Variants in SAMMSON observed in about 807,000 individuals in gnomAD.
The protein encoded by SAMMSON is survival associated mitochondrial melanoma specific oncogenic non-coding RNA.
chr3:70,233,145 C>T (rs1282069506), intron 4 of SAMMSON, among the ~76,000 whole-genome samples: 4 of 152,232 alleles, frequency 2.6e-5, no homozygotes, highest in African/African-American at 9.6e-5. Context: ...GCCAAGATCG[C>T]GCCACTGCAT....
chr3:70,371,486 T>C (rs985310996), intron 9 of SAMMSON, among the ~76,000 whole-genome samples: 2 of 152,134 alleles, frequency 1.3e-5, no homozygotes, highest in African/African-American at 4.8e-5. Context: ...TTCAATTTAT[T>C]TTATCAGTGT....
At chr3:70,157,054 T>C (rs1160038782) in intron 4 of SAMMSON, among the ~76,000 whole-genome samples, 1 of 152,090 alleles carries the variant, frequency 6.6e-6, no homozygotes, top group South Asian at 2.1e-4. Flanking sequence ...GAAAGCAGGG[T>C]AAAAAGATAT....
intron 4 of SAMMSON, chr3:70,126,700 G>A (rs956655567): frequency 2.4e-5 from 6 of 248,574 alleles, no homozygotes; most frequent in Admixed American, 1.5e-4. Flanking sequence ...GTTAGGTTTT[G>A]TTTTTGTTTT....
intron 4 of SAMMSON, chr3:70,159,526 A>T (rs2067605673): frequency 6.6e-6 from 1 of 152,058 alleles, no homozygotes; most frequent in South Asian, 2.1e-4. Flanking sequence ...AGTGTACGAG[A>T]GTACCAATTT....
chr3:70,096,122 A>G (rs1576120582), intron 4 of SAMMSON: 1 of 152,334 alleles, frequency 6.6e-6, no homozygotes, highest in East Asian at 1.9e-4. Flanking sequence ...TATTGGCAGG[A>G]TTTAGTTCCC....
chr3:70,259,200 C>A (rs1013432983), intron 6 of SAMMSON, among the ~76,000 whole-genome samples: 9 of 152,078 alleles, frequency 5.9e-5, no homozygotes, highest in Admixed American at 2.0e-4. Context: ...AGCCATTTCC[C>A]AGAACACATT....
chr3:70,219,077 C>A (rs1701439360), intron 4 of SAMMSON, among the ~76,000 whole-genome samples: 1 of 152,096 alleles, frequency 6.6e-6, no homozygotes, highest in Admixed American at 6.6e-5. Flanking sequence ...TTTCTAAACA[C>A]CAAATAGTCA....
At chr3:70,307,016 T>G (rs1304432225) in intron 7 of SAMMSON, among the ~76,000 whole-genome samples, 3 of 152,040 alleles carry the variant, frequency 2.0e-5, no homozygotes, top group South Asian at 2.1e-4. Flanking sequence ...AATAGAGAGA[T>G]AGAGAGAAAA....
chr3:70,092,445 C>CT lies in SAMMSON; in HGVS notation n.507+20881dup, dbSNP rs1395538112. On this transcript the variant is annotated intron_variant and non_coding_transcript_variant, in intron 4 of 9. Coordinates refer to ENST00000642114, the Ensembl canonical transcript of SAMMSON. ...ATCATCTTTCTTGATCAAACTCATG[C>CT]TGTTTTTTTTTTTTATAAAGCTTTC... 3.3e-3 allele frequency among the ~76,000 whole-genome samples: 46 copies of CT among 14,108 alleles called. No individual in the cohort carries two copies. In the South Asian group the frequency reaches 0.042, roughly 13 times the overall value. 9.3% of individuals were successfully genotyped at this position (14,108 alleles called of 152,430 possible).
At chr3:70,336,839 T>G (rs943171757) in intron 7 of SAMMSON, among the ~76,000 whole-genome samples, 1 of 149,706 alleles carries the variant, frequency 6.7e-6, no homozygotes, top group South Asian at 2.1e-4. Flanking sequence ...TGTGTGTGTG[T>G]GTGTGTGTGT....
intron 6 of SAMMSON, among the ~76,000 whole-genome samples, chr3:70,253,916 C>G (rs1701791448): frequency 6.6e-6 from 1 of 152,028 alleles, no homozygotes; most frequent in African/African-American, 2.4e-5. Context: ...TGTATAATCT[C>G]TTTTAAAAAC....
At chr3:70,022,552 A>G (rs1388034788) in intron 3 of SAMMSON, among the ~76,000 whole-genome samples, 4 of 151,154 alleles carry the variant, frequency 2.6e-5, no homozygotes, top group African/African-American at 4.9e-5. Context: ...GGGAACATTT[A>G]TGGAACTAAT....
chr3:70,159,638 T>A (rs942958556), intron 4 of SAMMSON: 4 of 151,828 alleles, frequency 2.6e-5, no homozygotes, highest in African/African-American at 7.3e-5. Context: ...TTTCGGCTCA[T>A]GCAACCACCT....
chr3:70,428,288 CA>C (rs1299403111), intron 2 of SAMMSON, among the ~76,000 whole-genome samples: 1 of 151,712 alleles, frequency 6.6e-6, no homozygotes, highest in African/African-American at 2.4e-5. Context: ...CTAGAATAGC[CA>C]AAAAAATTTT....
intron 7 of SAMMSON, among the ~76,000 whole-genome samples, chr3:70,347,576 G>A (rs950855501): frequency 2.0e-5 from 3 of 152,122 alleles, no homozygotes; most frequent in African/African-American, 7.2e-5. Context: ...GAATGTGGCT[G>A]CATATTTACT....
intron 3 of SAMMSON, among the ~76,000 whole-genome samples, chr3:70,023,312 T>A (rs1012056017): frequency 2.0e-5 from 3 of 150,868 alleles, no homozygotes; most frequent in Non-Finnish European, 3.0e-5. Flanking sequence ...AAAAAAAAAA[T>A]TAGCCAGGCG....
intron 4 of SAMMSON, among the ~76,000 whole-genome samples, chr3:70,148,613 G>T (rs2067558456): frequency 6.6e-6 from 1 of 152,014 alleles, no homozygotes; most frequent in South Asian, 2.1e-4. Context: ...AAGGGGAGCT[G>T]GTGTGTGCAC....
intron 4 of SAMMSON, among the ~76,000 whole-genome samples, chr3:70,134,579 A>G (rs1216933430): frequency 2.6e-5 from 4 of 152,188 alleles, no homozygotes; most frequent in Non-Finnish European, 4.4e-5. Context: ...ACATAGAAGC[A>G]TAGTTATATT....
At chr3:70,296,949 C>T (rs942109587) in intron 7 of SAMMSON, among the ~76,000 whole-genome samples, 1 of 151,924 alleles carries the variant, frequency 6.6e-6, no homozygotes, top group Admixed American at 6.6e-5. Context: ...CCTCTCTGGT[C>T]TAGTTTATTG....
Sources: allele counts gnomAD v4.1 joint callset (sites outside exome capture counted in the v4.1 genomes callset), GRCh38; gene constraint gnomAD v4.1.1; transcripts MANE v1.5; gene names NCBI Gene and HGNC (gene_info 2026-07-23, HGNC 2026-07-21).